NREP: variants seen among roughly 807,000 people sequenced by gnomAD.
The protein encoded by NREP is neuronal regeneration related protein, also known as neuronal regeneration-related protein.
A neutral mutation model predicts 8.6 loss-of-function variants in NREP; 5 were observed. The ratio of observed to expected loss-of-function variants is 0.58; its 90% CI spans 0.30 to 1.22. The LOEUF (loss-of-function observed/expected upper bound fraction) is 1.22, where lower values mean the gene tolerates loss of function less well. Ranked by LOEUF, NREP falls within the 50% of genes most tolerant of loss-of-function variation. The probability of loss-of-function intolerance (pLI) is 0.07; values close to 1 mark genes in which losing one functional copy is unlikely to be tolerated. For synonymous variants in NREP, 27 were observed against 28.0 expected (o/e 0.96, Z 0.11); for missense variants, 86 against 82.5 (o/e 1.04, Z -0.17).
intron 2 of NREP, among the ~76,000 whole-genome samples, chr5:111,896,086 C>A (rs1420753251): frequency 6.6e-6 from 1 of 152,090 alleles, no homozygotes; most frequent in Non-Finnish European, 1.5e-5. Flanking sequence ...TCAAAAAGAT[C>A]ATCTTAGCTG....
intron 2 of NREP, among the ~76,000 whole-genome samples, chr5:111,826,926 T>G (rs1042863435): frequency 6.6e-6 from 1 of 152,196 alleles, no homozygotes; most frequent in Non-Finnish European, 1.5e-5. Context: ...CCACATGTAA[T>G]GTACATTACA....
At chr5:111,954,766 T>A (rs1363788191) in intron 2 of NREP, among the ~76,000 whole-genome samples, 2 of 152,150 alleles carry the variant, frequency 1.3e-5, no homozygotes, top group South Asian at 4.1e-4. Context: ...AAGCAAAAAC[T>A]ATTACCATCA....
chr5:111,961,562 G>T (rs1402548471), intron 2 of NREP, among the ~76,000 whole-genome samples: 1 of 151,974 alleles, frequency 6.6e-6, no homozygotes, highest in Non-Finnish European at 1.5e-5. Flanking sequence ...AACTTCAAAG[G>T]GTTTTTATAT....
intron 2 of NREP, among the ~76,000 whole-genome samples, chr5:111,926,969 C>T (rs965652625): frequency 4.6e-5 from 7 of 151,884 alleles, no homozygotes; most frequent in African/African-American, 7.2e-5. Context: ...CCTAGTCCTC[C>T]GCTAATTCCC....
At chr5:111,762,738 G>A (rs1750989665) in intron 2 of NREP, among the ~76,000 whole-genome samples, 1 of 152,164 alleles carries the variant, frequency 6.6e-6, no homozygotes, top group African/African-American at 2.4e-5. Flanking sequence ...GAACTGTAAA[G>A]AAATGAATGC....
chr5:111,754,859 T>C (rs1750601346), intron 2 of NREP, among the ~76,000 whole-genome samples: 1 of 152,238 alleles, frequency 6.6e-6, no homozygotes, highest in Admixed American at 6.5e-5. Context: ...AGATATCAGA[T>C]TAAATTTTGA....
intron 2 of NREP, among the ~76,000 whole-genome samples, chr5:111,877,045 A>C (rs1753926435): frequency 6.6e-6 from 1 of 152,106 alleles, no homozygotes; most frequent in Admixed American, 6.6e-5. Flanking sequence ...TCAGTACTGA[A>C]ATCACCTTCT....
intron 2 of NREP, among the ~76,000 whole-genome samples, chr5:111,880,952 T>A (rs139656787): frequency 0.051 from 7,786 of 152,096 alleles, 471 homozygotes; most frequent in East Asian, 0.23. Flanking sequence ...TTCATCTCAC[T>A]AGGGAGTGCC....
chr5:111,855,819 TA>T (rs1753413844), intron 2 of NREP, among the ~76,000 whole-genome samples: 1 of 151,964 alleles, frequency 6.6e-6, no homozygotes. Context: ...TCCCCAATAA[TA>T]CTTTCATGCA....
chr5:111,820,928 C>G (rs1345938640), intron 2 of NREP, among the ~76,000 whole-genome samples: 1 of 152,078 alleles, frequency 6.6e-6, no homozygotes, highest in Non-Finnish European at 1.5e-5. Context: ...GTAATTTAAC[C>G]AGAAGTTTCT....
chr5:111,903,078 TTC>T (rs960900460), intron 2 of NREP, among the ~76,000 whole-genome samples: 2 of 148,760 alleles, frequency 1.3e-5, no homozygotes, highest in South Asian at 2.1e-4. Context: ...GTCTTGTCTT[TTC>T]TCTTTTTTTT....
chr5:111,740,816 T>C lies in NREP; in HGVS notation c.4-5309A>G, dbSNP rs146503383. ...CATGTTTCCTATCACTTCTACTACA[T>C]TGCAGGTAAAATTTGAATCATATCT... On this transcript the variant is annotated intron_variant, in intron 2 of 3. Transcript: ENST00000257435. 8.3e-3 allele frequency among the ~76,000 whole-genome samples: 1,267 copies of C among 152,318 alleles called. 17 individuals carry two copies. Among genetic ancestry groups the C allele is most frequent in the African/African-American group, 0.029 (1,207 of 41,576 alleles).
intron 2 of NREP, among the ~76,000 whole-genome samples, chr5:111,850,527 A>G (rs1341847357): frequency 6.6e-6 from 1 of 151,926 alleles, no homozygotes; most frequent in African/African-American, 2.4e-5. Context: ...CCAAGGCAAT[A>G]TTATTTTTTT....
upstream of NREP, among the ~76,000 whole-genome samples, chr5:111,762,709 C>T (rs935007319): frequency 6.6e-6 from 1 of 152,164 alleles, no homozygotes; most frequent in Non-Finnish European, 1.5e-5. Context: ...CACCTTAGAT[C>T]TCAGAATTCT....
chr5:111,932,756 G>T lies in NREP; in HGVS notation c.135+42518C>A, dbSNP rs552745816. Among the ~76,000 whole-genome samples the T allele has an allele frequency of 2.0e-5, 3 of 152,142 alleles. No homozygotes were observed. In the East Asian group the frequency reaches 5.8e-4, roughly 29 times the overall value. On this transcript the variant is annotated intron_variant, in intron 2 of 3. Transcript: ENST00000395634. ...TTAGCATGCCTCTGCCAACTAAAAG[G>T]TCACGTAATTCACCTATGATTCATA...
intron 2 of NREP, among the ~76,000 whole-genome samples, chr5:111,903,478 G>A (rs745567589): frequency 6.6e-6 from 1 of 152,048 alleles, no homozygotes; most frequent in Non-Finnish European, 1.5e-5. Flanking sequence ...GAATAGAGGA[G>A]TCATACTCAA....
intron 2 of NREP, among the ~76,000 whole-genome samples, chr5:111,843,099 G>A (rs554707203): frequency 7.1e-4 from 108 of 152,044 alleles, no homozygotes; most frequent in African/African-American, 2.5e-3. Flanking sequence ...CTGCAGATTT[G>A]GGAAGTTTCT....
chr5:111,911,134 C>A (rs1398441089), intron 2 of NREP, among the ~76,000 whole-genome samples: 1 of 151,910 alleles, frequency 6.6e-6, no homozygotes, highest in Non-Finnish European at 1.5e-5. Flanking sequence ...CTGCACCCAG[C>A]AATCTGGATA....
intron 2 of NREP, among the ~76,000 whole-genome samples, chr5:111,801,566 T>G (rs1223123281): frequency 6.6e-6 from 1 of 152,198 alleles, no homozygotes. Context: ...GCAGAATGTG[T>G]GCATATCCAG....
Sources: gnomAD v4.1 joint callset for allele counts (sites outside exome capture counted in the v4.1 genomes callset) on GRCh38, gnomAD v4.1.1 for gene constraint, MANE v1.5 for transcripts, NCBI Gene and HGNC (gene_info 2026-07-23, HGNC 2026-07-21) for gene names.